The following ZNF546 variants were observed in gnomAD, a reference collection of about 807,000 sequenced individuals.
ZNF546 encodes zinc finger protein 546, also known as CTC-471F3.6.
ZNF546 carries 60 observed loss-of-function variants against 76.2 expected under a neutral mutation model. That is an observed-to-expected ratio of 0.79 (90% CI 0.64 to 0.98). The LOEUF (loss-of-function observed/expected upper bound fraction) is 0.98. Ranked by LOEUF, ZNF546 falls within the 50% of genes least tolerant of loss-of-function variation. ZNF546 has a pLI of 0.00. For missense variants in ZNF546, 936 were observed against 1,035.6 expected, an observed-to-expected ratio of 0.90 and a Z score of 1.32; for synonymous variants, 277 against 328.1, an observed-to-expected ratio of 0.84 and a Z score of 1.68.
In ZNF546 at chr19:40,016,004, C is replaced by T. The variant is rs1454080793; in HGVS notation, c.*223C>T. On this transcript the variant is annotated 3_prime_UTR_variant, in exon 7 of 7. Coordinates refer to ENST00000347077, the MANE Select transcript of ZNF546 (RefSeq NM_178544.5). ...GCACTGCATCCCAAACCATCAAGGG[C>T]CTTTTCCCCTACAAACTGTTGTTGA... is the stretch of plus-strand genomic sequence containing the variant. The T allele has an allele frequency of 1.8e-6, 1 of 554,894 alleles. No homozygotes were observed. Among genetic ancestry groups the T allele is most frequent in the Admixed American group, 3.2e-5 (1 of 31,630 alleles). The allele number at this position is 554,894 out of a possible 1,614,324, so 34.4% of individuals were successfully genotyped here.
intron 3 of ZNF546, among the ~76,000 whole-genome samples, chr19:40,000,492 A>G (rs1346280071): frequency 6.6e-6 from 1 of 151,714 alleles, no homozygotes; most frequent in Non-Finnish European, 1.5e-5. Context: ...CTGTGGTGGC[A>G]TGCGCTTGTA....
rs779053527 is a variant in ZNF546 at position 40,015,858 on chromosome 19, A to C, written c.*77A>C. On this transcript the variant is annotated 3_prime_UTR_variant, in exon 7 of 7. Coordinates refer to ENST00000347077, the MANE Select transcript of ZNF546 (RefSeq NM_178544.5). Reference sequence around the variant, plus strand: ...TAAGAAATTTTCTGTTTGTTACGGAACATGTGGGAATCCCTTTTACTTCAT... The same window carrying C: ...TAAGAAATTTTCTGTTTGTTACGGACCATGTGGGAATCCCTTTTACTTCAT... 1 of 1,314,148 alleles carries C rather than the reference A, an allele frequency of 7.6e-7. No individual in the cohort carries two copies. 81.4% of individuals were successfully genotyped at this position (1,314,148 alleles called of 1,614,324 possible).
rs575321660 is a variant in ZNF546, at chr19:39,998,851, C to T, written c.84+441C>T. Among the ~76,000 whole-genome samples the T allele has an allele frequency of 1.1e-4, 16 of 152,274 alleles. No individual in the cohort carries two copies. In the South Asian group the frequency reaches 3.1e-3, roughly 30 times the overall value. Reference sequence around the variant, plus strand: ...GCAATGGCATGAACTCGGCTTACTGCAGCCTCTGCCTCCTGGGTTCAAGTG... The same window carrying T: ...GCAATGGCATGAACTCGGCTTACTGTAGCCTCTGCCTCCTGGGTTCAAGTG... On this transcript the variant is annotated intron_variant, in intron 3 of 6. Transcript: ENST00000347077.
In ZNF546 at chr19:40,014,025, A is replaced by C. The variant is rs200276674; in HGVS notation, c.755A>C (p.Lys252Thr). ...ERPYKCMECG[K>T]AFCRVGDLRV... ...CCCTATAAATGTATGGAATGTGGAA[A>C]GGCCTTTTGTCGAGTGGGAGACCTT... Residue 252 changes from lysine to threonine, a missense_variant, in exon 7 of 7, where the codon AAG becomes ACG. Physicochemically the swap from Lys to Thr is moderately conservative, Grantham distance 78 (BLOSUM62 -1). Transcript: ENST00000347077. 4 of 1,612,058 alleles carry C rather than the reference A, an allele frequency of 2.5e-6. No homozygotes were observed. The African/African-American group carries it at 4.0e-5, about 16-fold the overall frequency.
chr19:40,000,617 A>C (rs1158972123), intron 3 of ZNF546, among the ~76,000 whole-genome samples: 3 of 137,694 alleles, frequency 2.2e-5, no homozygotes, highest in Non-Finnish European at 4.6e-5. Flanking sequence ...CTCTGTCTCA[A>C]AAAAAAAAAA....
chr19:40,014,587 A>C lies in ZNF546; in HGVS notation c.1317A>C (p.Lys439Asn), dbSNP rs1481490621. The change falls in exon 7 of 7, where the codon AAA (lysine) becomes AAC (asparagine). Residue 439 changes from lysine to asparagine, a missense_variant. Transcript: ENST00000347077. ...ATCGTAGAATTCATACTGGTGAGAA[A>C]CCCTATGAATGTAGAGAATGTGGAA... Reference protein sequence around the residue: ...ARHRRIHTGEKPYECRECGKA... With the variant: ...ARHRRIHTGENPYECRECGKA... The C allele has an allele frequency of 3.1e-6, 5 of 1,613,446 alleles. No individual in the cohort carries two copies. The highest frequency in any genetic ancestry group is 4.2e-6 in the Non-Finnish European group (5 of 1,179,734).
At position 40,014,181 on chromosome 19, in the gene ZNF546, A is replaced by G; in HGVS notation, c.911A>G (p.Lys304Arg). 1 of 1,613,646 alleles carries G rather than the reference A, an allele frequency of 6.2e-7. No individual in the cohort carries two copies. Among genetic ancestry groups the G allele is most frequent in the Non-Finnish European group, 8.5e-7 (1 of 1,179,800 alleles). Residue 304 changes from lysine (K) to arginine (R), a missense_variant, in exon 7 of 7, where the codon AAG becomes AGG. Physicochemically the swap from Lys to Arg is conservative, Grantham distance 26. Coordinates refer to ENST00000347077, the MANE Select transcript of ZNF546 (RefSeq NM_178544.5). ...TCTGGTGTGAAACCCTACGAGTGTA[A>G]GGAATGTGGGAAAGCCTTTAGTCGT... is the stretch of plus-strand genomic sequence containing the variant. Reference protein sequence around the residue: ...IHSGVKPYECKECGKAFSRVR... With the variant: ...IHSGVKPYECRECGKAFSRVR...
intron 3 of ZNF546, 145 bp downstream of exon 3, chr19:39,998,555 T>C (rs747016614): frequency 6.2e-5 from 41 of 658,442 alleles, no homozygotes; most frequent in Non-Finnish European, 9.5e-5. Context: ...ATGACCTGAC[T>C]AGTGTCAGTA....
intron 3 of ZNF546, chr19:39,999,568 T>C (rs1328517349): frequency 6.6e-6 from 1 of 150,658 alleles, no homozygotes; most frequent in Non-Finnish European, 1.5e-5. Flanking sequence ...TGGGGAGCTA[T>C]ATTTTAGCAA....
Position 40,014,873 on chromosome 19 carries a change from C to G in ZNF546, c.1603C>G (p.Arg535Gly). 1 of 1,613,002 alleles carries G rather than the reference C, an allele frequency of 6.2e-7. No individual in the cohort carries two copies. The highest frequency in any genetic ancestry group is 8.5e-7 in the Non-Finnish European group (1 of 1,179,684). ...YICNECGKAFRLQGELTRHHR... is the reference protein window; with the variant it reads ...YICNECGKAFGLQGELTRHHR... ...ATGTAACGAATGTGGAAAAGCCTTT[C>G]GTCTTCAAGGAGAACTTACCCGACA... The change falls in exon 7 of 7, where the codon CGT becomes GGT. Residue 535 changes from arginine to glycine, a missense_variant. Physicochemically the swap from Arg to Gly is moderately radical, Grantham distance 125. Coordinates refer to ENST00000347077, the MANE Select transcript of ZNF546 (RefSeq NM_178544.5).
chr19:40,000,628 A>G (rs572810575), intron 3 of ZNF546, among the ~76,000 whole-genome samples: 17 of 151,818 alleles, frequency 1.1e-4, no homozygotes, highest in East Asian at 3.9e-4. Flanking sequence ...AAAAAAAAAA[A>G]AAAAAGAAAA....
intron 6 of ZNF546, among the ~76,000 whole-genome samples, chr19:40,009,719 A>G (rs1273267176): frequency 6.6e-6 from 1 of 152,040 alleles, no homozygotes; most frequent in Middle Eastern, 3.2e-3. Context: ...CATTTTCTAG[A>G]ATTTTGTATA....
chr19:40,010,269 G>C (rs1971655096), intron 6 of ZNF546, among the ~76,000 whole-genome samples: 2 of 152,068 alleles, frequency 1.3e-5, no homozygotes, highest in South Asian at 4.1e-4. Context: ...CAGGCATAGT[G>C]ACAGGCATCT....
Position 40,008,253 on chromosome 19 carries a change from C to T in ZNF546, c.299-217C>T, listed in dbSNP as rs76903540. On this transcript the variant is annotated intron_variant, in intron 5 of 6. Coordinates refer to ENST00000347077, the MANE Select transcript of ZNF546 (RefSeq NM_178544.5). Reference sequence around the variant, plus strand: ...CCGTTAACAGCAAAGCAGACCTTTTCGCTCTCTCACCTTGTCTCTTTAGTC... The same window carrying T: ...CCGTTAACAGCAAAGCAGACCTTTTTGCTCTCTCACCTTGTCTCTTTAGTC... 4.3e-3 allele frequency among the ~76,000 whole-genome samples: 650 copies of T among 151,970 alleles called. 6 individuals carry two copies. In the East Asian group the frequency reaches 0.05, roughly 12 times the overall value.
At chr19:40,001,952 C>G (rs1428478915) in intron 3 of ZNF546, among the ~76,000 whole-genome samples, 5 of 152,136 alleles carry the variant, frequency 3.3e-5, no homozygotes, top group African/African-American at 1.2e-4. Flanking sequence ...TTCGTGACAA[C>G]CCTATGAGAT....
intron 3 of ZNF546, among the ~76,000 whole-genome samples, chr19:40,003,225 G>C (rs2144638979): frequency 6.6e-6 from 1 of 150,990 alleles, no homozygotes; most frequent in Admixed American, 6.6e-5. Context: ...TTTTAGTAGA[G>C]ACGGGGTTTC....
intron 5 of ZNF546, 119 bp downstream of exon 5, chr19:40,007,519 GT>G: frequency 8.9e-7 from 1 of 1,126,870 alleles, no homozygotes; most frequent in Non-Finnish European, 1.2e-6. Flanking sequence ...TAAAGTCATA[GT>G]TTCAGCAGTG....
At chr19:40,009,649 C>G (rs1002694498) in intron 6 of ZNF546, among the ~76,000 whole-genome samples, 1 of 152,114 alleles carries the variant, frequency 6.6e-6, no homozygotes, top group Non-Finnish European at 1.5e-5. Context: ...CCCTCATGTC[C>G]CTCTCTACCC....
chr19:40,008,756 C>T (rs1299488587), intron 6 of ZNF546, among the ~76,000 whole-genome samples, 191 bp downstream of exon 6: 1 of 152,208 alleles, frequency 6.6e-6, no homozygotes, highest in East Asian at 1.9e-4. Flanking sequence ...ACCCAATTTG[C>T]CATACTCCTT....
Sources: allele counts gnomAD v4.1 joint callset (sites outside exome capture counted in the v4.1 genomes callset), GRCh38; gene constraint gnomAD v4.1.1; transcripts MANE v1.5; gene names NCBI Gene and HGNC (gene_info 2026-07-23, HGNC 2026-07-21).